The following PADI2 variants were observed in gnomAD, a reference collection of about 807,000 sequenced individuals.
The protein encoded by PADI2 is protein-arginine deiminase type-2.
PADI2 carries 70 observed loss-of-function variants against 81.1 expected under a neutral mutation model. The ratio of observed to expected loss-of-function variants is 0.86; its 90% CI spans 0.71 to 1.05. The LOEUF (loss-of-function observed/expected upper bound fraction) is 1.05. Ranked by LOEUF, PADI2 falls within the 50% of genes least tolerant of loss-of-function variation. The pLI, the probability that PADI2 is intolerant of heterozygous loss-of-function variation, is 0.00. For missense variants in PADI2, 853 were observed against 889.9 expected (o/e 0.96, Z 0.53); for synonymous variants, 338 against 358.0 (o/e 0.94, Z 0.63).
intron 10 of PADI2, among the ~76,000 whole-genome samples, chr1:17,079,773 C>T (rs1291236476): frequency 1.3e-5 from 2 of 148,788 alleles, no homozygotes; most frequent in African/African-American, 2.5e-5. Flanking sequence ...TTATGCTATG[C>T]ACTTTCAGTT....
chr1:17,109,265 G>C lies in PADI2; in HGVS notation c.93-4204C>G, dbSNP rs569993783. On this transcript the variant is annotated intron_variant, in intron 1 of 15. Transcript: ENST00000375486. The stretch of plus-strand genomic sequence containing the variant: ...TAGCCGAGCGTAGTGGCGTGTGCCT[G>C]TAGTCCCAGCTACTCGGGAGGCTGA... 3.3e-5 allele frequency among the ~76,000 whole-genome samples: 5 copies of C among 151,714 alleles called. No homozygotes were observed. In the East Asian group the frequency reaches 7.9e-4, roughly 24 times the overall value.
Position 17,086,719 on chromosome 1 carries a change from C to G in PADI2, c.656-20G>C, listed in dbSNP as rs1243496117. The G allele has an allele frequency of 1.2e-6, 2 of 1,605,588 alleles. No homozygotes were observed. Among genetic ancestry groups the G allele is most frequent in the Admixed American group, 1.7e-5 (1 of 59,476 alleles). On this transcript the variant is annotated intron_variant, in intron 6 of 15. Coordinates refer to ENST00000375486, the MANE Select transcript of PADI2 (RefSeq NM_007365.3). The stretch of plus-strand genomic sequence containing the variant: ...ACGGGTCTGGAGGGAAAAGGACCAA[C>G]GTCAGACTCCCACCCGCATCAGAAA...
intron 6 of PADI2, among the ~76,000 whole-genome samples, 199 bp from the exon 7 acceptor site, chr1:17,086,898 G>A (rs777658895): frequency 3.3e-5 from 5 of 152,212 alleles, no homozygotes; most frequent in Non-Finnish European, 5.9e-5. Context: ...GCTGTGTGGC[G>A]CTTTGCCAGA....
At chr1:17,076,447 T>A (rs1424980030) in intron 11 of PADI2, among the ~76,000 whole-genome samples, 1 of 152,164 alleles carries the variant, frequency 6.6e-6, no homozygotes, top group Non-Finnish European at 1.5e-5. Context: ...ACTCCTGACC[T>A]CATGATCCGC....
rs769147711 is a variant in PADI2, at chr1:17,119,280, C to T, written c.92G>A (p.Ser31Asn). Residue 31 changes from serine to asparagine, a missense_variant and splice_region_variant, in exon 1 of 16, where the codon AGC becomes AAC. Coordinates refer to ENST00000375486, the MANE Select transcript of PADI2 (RefSeq NM_007365.3). The surrounding 1 kb of genome is among the most constrained non-coding windows in gnomAD (Gnocchi z 4.8). ...CGGGCATCACGGTGGGCCGGCTCAC[C>T]TGTAGACATCGGTCCAGAGGTAGGT... Reference protein sequence around the residue: ...LGTYLWTDVYSAAPAGAQTFS... With the variant: ...LGTYLWTDVYNAAPAGAQTFS... The T allele has an allele frequency of 6.5e-7, 1 of 1,540,120 alleles. No individual in the cohort carries two copies. The highest frequency in any genetic ancestry group is 1.2e-5 in the South Asian group (1 of 82,888).
In PADI2 at chr1:17,067,123, C is replaced by T. The variant is rs1437237674; in HGVS notation, c.*1921G>A. 1 of 149,316 alleles carries T rather than the reference C, an allele frequency of 6.7e-6. No individual in the cohort carries two copies. The highest frequency in any genetic ancestry group is 1.5e-5 in the Non-Finnish European group (1 of 67,644). 9.2% of individuals were successfully genotyped at this position (149,316 alleles called of 1,614,324 possible). ...CAGAAACATCAGAAATTACCGACAT[C>T]ATTGGGGAAAGCCTTAGAAAAATCT... On this transcript the variant is annotated 3_prime_UTR_variant, in exon 16 of 16. Transcript: ENST00000375486.
Position 17,109,389 on chromosome 1 carries a change from TAAAA to T in PADI2, c.93-4332_93-4329del, listed in dbSNP as rs566123530. Among the ~76,000 whole-genome samples the T allele has an allele frequency of 1.2e-3, 61 of 50,080 alleles. 1 individual carries two copies. The highest frequency in any genetic ancestry group is 3.0e-3 in the African/African-American group (30 of 9,992). 32.9% of individuals were successfully genotyped at this position (50,080 alleles called of 152,430 possible). On this transcript the variant is annotated intron_variant, in intron 1 of 15. Transcript: ENST00000375486. ...GGTGACAGAGCGAGACTCTGTCTAT[TAAAA>T]AAAAAAAAAAAAAAAAAAAAAAAGC...
At chr1:17,072,405 ATCCAAGT>A (rs2078270172) in intron 13 of PADI2, among the ~76,000 whole-genome samples, 1 of 152,182 alleles carries the variant, frequency 6.6e-6, no homozygotes, top group South Asian at 2.1e-4. Context: ...TCTAAAACTG[ATCCAAGT>A]TCAGGAGATA....
intron 1 of PADI2, among the ~76,000 whole-genome samples, chr1:17,108,092 G>A (rs962464584): frequency 9.9e-5 from 15 of 152,046 alleles, no homozygotes; most frequent in Admixed American, 3.3e-4. Context: ...GGGATTACAG[G>A]TGCCCGCCAC....
intron 11 of PADI2, among the ~76,000 whole-genome samples, chr1:17,077,850 T>A (rs912157691): frequency 1.3e-5 from 2 of 152,206 alleles, no homozygotes; most frequent in Non-Finnish European, 2.9e-5. Context: ...AGGTATTCAC[T>A]CTTTCCCCAG....
chr1:17,102,767 A>T (rs111253718), intron 3 of PADI2, among the ~76,000 whole-genome samples: 1 of 146,504 alleles, frequency 6.8e-6, no homozygotes, highest in Non-Finnish European at 1.5e-5. Flanking sequence ...GGGGTTGCTG[A>T]TGGATCAGGG....
intron 4 of PADI2, 56 bp downstream of exon 4, chr1:17,095,853 G>T: frequency 7.2e-7 from 1 of 1,395,558 alleles, no homozygotes; most frequent in Non-Finnish European, 1.0e-6. Flanking sequence ...GGGATCTGGG[G>T]CTGTGCCCTC....
intron 6 of PADI2, among the ~76,000 whole-genome samples, chr1:17,089,016 G>T (rs74370867): frequency 0.016 from 2,399 of 151,600 alleles, 64 homozygotes; most frequent in African/African-American, 0.054. Context: ...CACGCCACAG[G>T]TTCAATGTAA....
intron 6 of PADI2, 118 bp from the exon 7 acceptor site, chr1:17,086,817 C>T: frequency 1.2e-6 from 1 of 807,648 alleles, no homozygotes. Context: ...GAGAGAAAAG[C>T]ACAAGCAGAA....
In PADI2 at chr1:17,115,298, C is replaced by T. The variant is rs949350966; in HGVS notation, c.92+3982G>A. The stretch of plus-strand genomic sequence containing the variant: ...CCAGGGAAGGGAATCCTCCCACCTC[C>T]ACCTCACAGACGCAGCTGGAACCTC... On this transcript the variant is annotated intron_variant, in intron 1 of 15. Transcript: ENST00000375486. The surrounding 1 kb of genome is among the most constrained non-coding windows in gnomAD (Gnocchi z 4.1). Among the ~76,000 whole-genome samples, 3 of 152,272 alleles carry T rather than the reference C, an allele frequency of 2.0e-5. No individual in the cohort carries two copies. Among genetic ancestry groups the T allele is most frequent in the Non-Finnish European group, 4.4e-5 (3 of 68,054 alleles).
At chr1:17,081,330 T>C (rs1367397792) in intron 10 of PADI2, among the ~76,000 whole-genome samples, 5 of 152,240 alleles carry the variant, frequency 3.3e-5, no homozygotes, top group Admixed American at 2.6e-4. Flanking sequence ...GTGAGACTGA[T>C]ATCATTTCTA....
intron 2 of PADI2, among the ~76,000 whole-genome samples, chr1:17,104,308 AAAAC>A (rs1308323292): frequency 6.6e-6 from 1 of 151,982 alleles, no homozygotes; most frequent in Non-Finnish European, 1.5e-5. Flanking sequence ...AAACAAACAA[AAAAC>A]AAACAATTTT....
chr1:17,083,851 GGAA>G lies in PADI2; in HGVS notation c.939-17_939-15del. The stretch of plus-strand genomic sequence containing the variant: ...TTATCCTTCATGCTGAGAAGTTGGG[GGAA>G]GAAGGAGAGGCCAGGAGAAAGGGTG... On this transcript the variant is annotated splice_polypyrimidine_tract_variant and intron_variant, in intron 8 of 15. Coordinates refer to ENST00000375486, the MANE Select transcript of PADI2 (RefSeq NM_007365.3). 4 of 1,525,874 alleles carry G rather than the reference GGAA, an allele frequency of 2.6e-6. No homozygotes were observed. Among genetic ancestry groups the G allele is most frequent in the South Asian group, 1.1e-5 (1 of 89,304 alleles). The allele number at this position is 1,525,874 out of a possible 1,614,324, so 94.5% of individuals were successfully genotyped here.
chr1:17,069,677 GTA>G (rs1424478145), intron 15 of PADI2, among the ~76,000 whole-genome samples: 28 of 152,248 alleles, frequency 1.8e-4, no homozygotes, highest in Admixed American at 2.6e-4. Context: ...GCATGTGTGT[GTA>G]TATATGTGTC....
Sources: allele counts gnomAD v4.1 joint callset (sites outside exome capture counted in the v4.1 genomes callset), GRCh38; gene constraint gnomAD v4.1.1; non-coding constraint Gnocchi (gnomAD v3.1); transcripts MANE v1.5; gene names NCBI Gene and HGNC (gene_info 2026-07-23, HGNC 2026-07-21).